Variants in SHQ1 observed in about 807,000 individuals in gnomAD.
SHQ1 encodes the protein SHQ1, H/ACA ribonucleoprotein assembly factor, also known as protein SHQ1 homolog.
In SHQ1, 49 loss-of-function variants were observed where a neutral mutation model predicts 53.8. The observed-to-expected ratio is 0.91, with a 90% CI of 0.72 to 1.16. SHQ1 has a LOEUF of 1.16. SHQ1 is among the 50% of genes most tolerant of loss of function. SHQ1 has a pLI of 0.00. For synonymous variants in SHQ1, 243 were observed against 251.0 expected (o/e 0.97, Z 0.30); for missense variants, 738 against 683.1 (o/e 1.08, Z -0.90).
Position 72,844,429 on chromosome 3 carries a change from G to C in SHQ1, c.144-6C>G, listed in dbSNP as rs1708270085. 4 of 1,612,700 alleles carry C rather than the reference G, an allele frequency of 2.5e-6. No homozygotes were observed. Among genetic ancestry groups the C allele is most frequent in the African/African-American group, 2.7e-5 (2 of 74,880 alleles). ...TTCTTCCAGGAAGGGTTAATCTGCA[G>C]ATTTAACACAGGTCTCATGAAGTCC... On this transcript the variant is annotated splice_region_variant and splice_polypyrimidine_tract_variant and intron_variant, in intron 1 of 10. Transcript: ENST00000325599.
intron 9 of SHQ1, among the ~76,000 whole-genome samples, chr3:72,803,822 A>AT (rs1559680005): frequency 6.6e-6 from 1 of 152,052 alleles, no homozygotes; most frequent in East Asian, 1.9e-4. Flanking sequence ...ACAAAATATT[A>AT]TTTTTTTTCA....
At chr3:72,781,398 C>T (rs573918124) in intron 10 of SHQ1, among the ~76,000 whole-genome samples, 4 of 152,156 alleles carry the variant, frequency 2.6e-5, no homozygotes, top group African/African-American at 4.8e-5. Context: ...CAGAAAAAGA[C>T]GGCCCTTATA....
intron 10 of SHQ1, among the ~76,000 whole-genome samples, chr3:72,765,530 C>CATATAT (rs10551107): frequency 3.6e-4 from 30 of 83,500 alleles, no homozygotes; most frequent in African/African-American, 5.6e-4. Flanking sequence ...ATTCACATGA[C>CATATAT]ATATATATAT....
intron 5 of SHQ1, among the ~76,000 whole-genome samples, chr3:72,825,632 T>C (rs896646096): frequency 6.6e-6 from 1 of 152,172 alleles, no homozygotes; most frequent in Non-Finnish European, 1.5e-5. Context: ...CTATCTTGCA[T>C]TCAAAGTTGG....
chr3:72,801,849 G>T (rs1706798868), intron 9 of SHQ1, among the ~76,000 whole-genome samples: 1 of 152,168 alleles, frequency 6.6e-6, no homozygotes. Context: ...TTAGAACTGT[G>T]TTCCCCAATT....
At chr3:72,838,822 G>A (rs1470953794) in intron 4 of SHQ1, among the ~76,000 whole-genome samples, 1 of 151,964 alleles carries the variant, frequency 6.6e-6, no homozygotes, top group South Asian at 2.1e-4. Flanking sequence ...GAAACAGAGG[G>A]ATGTAAACAA....
chr3:72,839,535 C>G (rs1056290092), intron 4 of SHQ1, among the ~76,000 whole-genome samples: 6 of 152,166 alleles, frequency 3.9e-5, no homozygotes, highest in African/African-American at 1.4e-4. Context: ...AGAGTTTTCA[C>G]ATGCATTATC....
At chr3:72,826,059 C>T (rs1310963764) in intron 5 of SHQ1, among the ~76,000 whole-genome samples, 4 of 152,070 alleles carry the variant, frequency 2.6e-5, no homozygotes, top group African/African-American at 9.7e-5. Context: ...GTTCAGAGAA[C>T]AAGTAAAAAC....
intron 4 of SHQ1, among the ~76,000 whole-genome samples, chr3:72,839,255 G>A (rs1708089017): frequency 1.3e-5 from 2 of 152,096 alleles, no homozygotes; most frequent in South Asian, 2.1e-4. Context: ...ACTATCTCTT[G>A]GCCAACAATT....
At chr3:72,730,013 T>C in the SHQ1 span, among the ~76,000 whole-genome samples, 784 of 151,896 alleles carry the variant, frequency 5.2e-3, 7 homozygotes, top group African/African-American at 0.017. Context: ...AGAGACGGGG[T>C]TTCACCGTGT....
intron 10 of SHQ1, among the ~76,000 whole-genome samples, chr3:72,757,381 C>CG (rs1553688641): frequency 8.2e-5 from 11 of 134,926 alleles, no homozygotes; most frequent in African/African-American, 3.0e-4. Flanking sequence ...CTTCTCTTTC[C>CG]TTTTTTTTTT....
chr3:72,820,519 C>T (rs1371161261), intron 6 of SHQ1, among the ~76,000 whole-genome samples: 1 of 152,092 alleles, frequency 6.6e-6, no homozygotes, highest in African/African-American at 2.4e-5. Context: ...GTCTGAGCTC[C>T]CTAAGGCCTT....
intron 1 of SHQ1, among the ~76,000 whole-genome samples, chr3:72,847,222 G>A (rs1010008044): frequency 2.0e-5 from 3 of 152,134 alleles, no homozygotes; most frequent in South Asian, 2.1e-4. Context: ...ATGGTCTAAG[G>A]GAAATCTGAG....
chr3:72,781,519 C>T (rs1422231023), intron 10 of SHQ1, among the ~76,000 whole-genome samples: 1 of 152,134 alleles, frequency 6.6e-6, no homozygotes, highest in African/African-American at 2.4e-5. Context: ...ACTACAAATG[C>T]AGTTTTTCTC....
At chr3:72,765,557 A>ATATATATATATATATATATATATTTT (rs1491527508) in intron 10 of SHQ1, among the ~76,000 whole-genome samples, 1 of 57,190 alleles carries the variant, frequency 1.7e-5, no homozygotes, top group African/African-American at 7.9e-5. Context: ...ATATATATAT[A>ATATATATATATATATATATATATTTT]TTTTTTTTTT....
chr3:72,809,109 G>A (rs972538597), intron 9 of SHQ1, among the ~76,000 whole-genome samples: 1 of 152,092 alleles, frequency 6.6e-6, no homozygotes, highest in Non-Finnish European at 1.5e-5. Flanking sequence ...AGAGTACAAA[G>A]ATTGGTGTCT....
intron 9 of SHQ1, among the ~76,000 whole-genome samples, chr3:72,803,582 TC>T (rs1222757728): frequency 1.3e-5 from 2 of 152,158 alleles, no homozygotes. Flanking sequence ...ACAAAAGGGC[TC>T]CCCTCCAACC....
chr3:72,737,934 T>G, the SHQ1 span, among the ~76,000 whole-genome samples: 2 of 152,200 alleles, frequency 1.3e-5, no homozygotes, highest in Non-Finnish European at 2.9e-5. Flanking sequence ...AGTTCTCCCT[T>G]TTTCTTAATG....
At chr3:72,829,863 C>A (rs1707773311) in intron 5 of SHQ1, among the ~76,000 whole-genome samples, 1 of 151,984 alleles carries the variant, frequency 6.6e-6, no homozygotes, top group African/African-American at 2.4e-5. Context: ...AAAATGTATG[C>A]CAACAATTAG....
Sources: gnomAD v4.1 joint callset for allele counts (sites outside exome capture counted in the v4.1 genomes callset) on GRCh38, gnomAD v4.1.1 for gene constraint, MANE v1.5 for transcripts, NCBI Gene and HGNC (gene_info 2026-07-23, HGNC 2026-07-21) for gene names.